Variants in STK39 observed in about 807,000 individuals in gnomAD.
STK39 encodes serine/threonine kinase 39.
A neutral mutation model predicts 77.8 loss-of-function variants in STK39; 20 were observed. The observed-to-expected ratio is 0.26, with a 90% CI of 0.18 to 0.37. The LOEUF (loss-of-function observed/expected upper bound fraction) is 0.37. Ranked by LOEUF, STK39 falls within the 10% of genes least tolerant of loss-of-function variation. The pLI is 1.00. For synonymous variants in STK39, 246 were observed against 234.1 expected (o/e 1.05, Z -0.47); for missense variants, 479 against 656.5 (o/e 0.73, Z 2.95).
chr2:168,192,792 A>G (rs567575978), intron 1 of STK39, among the ~76,000 whole-genome samples: 2 of 152,362 alleles, frequency 1.3e-5, no homozygotes, highest in South Asian at 4.1e-4. Context: ...AATAGTATCC[A>G]CATGATTATC....
At chr2:167,983,865 A>G (rs1226035379) in intron 16 of STK39, among the ~76,000 whole-genome samples, 2 of 152,122 alleles carry the variant, frequency 1.3e-5, no homozygotes, top group African/African-American at 4.8e-5. Context: ...TCTAGATCCT[A>G]ATTTCTGCTG....
intron 5 of STK39, among the ~76,000 whole-genome samples, chr2:168,142,992 C>T (rs1011494219): frequency 8.5e-5 from 13 of 152,192 alleles, no homozygotes; most frequent in African/African-American, 2.2e-4. Flanking sequence ...GGTGGCAGAA[C>T]TGTAACAGTG....
In STK39 at chr2:167,989,632, G is replaced by C. The variant is rs543181143; in HGVS notation, c.1498+23002C>G. ...TCAACTCTAAATGCAGAATAATCAA[G>C]AAATTTAAAAAGAACATTAGGTTTG... On this transcript the variant is annotated intron_variant, in intron 16 of 17. Coordinates refer to ENST00000355999, the MANE Select transcript of STK39 (RefSeq NM_013233.3). Among the ~76,000 whole-genome samples the C allele has an allele frequency of 5.7e-4, 86 of 152,158 alleles. 1 individual carries two copies. The highest frequency in any genetic ancestry group is 6.8e-3 in the Middle Eastern group (2 of 294).
Sources: allele counts gnomAD v4.1 joint callset (sites outside exome capture counted in the v4.1 genomes callset), GRCh38; gene constraint gnomAD v4.1.1; transcripts MANE v1.5; gene names NCBI Gene and HGNC (gene_info 2026-07-23, HGNC 2026-07-21).